The following UPF2 variants were observed in gnomAD, a reference collection of about 807,000 sequenced individuals.
UPF2 encodes UPF2 regulator of nonsense mediated mRNA decay, also known as regulator of nonsense transcripts 2.
UPF2 carries 17 observed loss-of-function variants against 141.4 expected under a neutral mutation model. The ratio of observed to expected loss-of-function variants is 0.12; its 90% CI spans 0.08 to 0.18. The LOEUF (loss-of-function observed/expected upper bound fraction) is 0.18, where lower values mean the gene tolerates loss of function less well. UPF2 is among the 10% of genes least tolerant of loss of function. UPF2 has a pLI of 1.00. For synonymous variants in UPF2, 540 were observed against 498.0 expected, an observed-to-expected ratio of 1.08 and a Z score of -1.12; for missense variants, 1,152 against 1,515.9, an observed-to-expected ratio of 0.76 and a Z score of 3.99.
At chr10:12,013,784 G>C (rs979227291) in intron 4 of UPF2, among the ~76,000 whole-genome samples, 1 of 151,874 alleles carries the variant, frequency 6.6e-6, no homozygotes, top group Non-Finnish European at 1.5e-5. Flanking sequence ...TTTTTTAATA[G>C]AGATGGGGTC....
chr10:11,998,779 G>A lies in UPF2; in HGVS notation c.1759-1022C>T, dbSNP rs1011720571. 2.0e-5 allele frequency among the ~76,000 whole-genome samples: 3 copies of A among 152,074 alleles called. No individual in the cohort carries two copies. The highest frequency in any genetic ancestry group is 1.9e-4 in the East Asian group (1 of 5,168). On this transcript the variant is annotated intron_variant, in intron 7 of 21. Transcript: ENST00000357604. This position sits in a 1 kb window ranked among gnomAD's most constrained non-coding sequence, Gnocchi z 4.5. ...TGAGGCAGGAGAATGGCGTGAACCC[G>A]GGAGGCGGAGCTTGCAGTGAGCCGA...
At chr10:11,964,996 CTG>C (rs1833296908) in intron 10 of UPF2, among the ~76,000 whole-genome samples, 4 of 152,126 alleles carry the variant, frequency 2.6e-5, no homozygotes, top group Admixed American at 1.3e-4. Context: ...AAAGTTGTGA[CTG>C]TGTTTTGACT....
At chr10:11,946,157 C>A (rs1832997399) in intron 16 of UPF2, among the ~76,000 whole-genome samples, 1 of 152,188 alleles carries the variant, frequency 6.6e-6, no homozygotes, top group Non-Finnish European at 1.5e-5. Flanking sequence ...GAAAACCATA[C>A]ATTATTGCCT....
At chr10:12,023,427 CA>C (rs1405949293) in intron 3 of UPF2, among the ~76,000 whole-genome samples, 1 of 149,972 alleles carries the variant, frequency 6.7e-6, no homozygotes, top group East Asian at 2.0e-4. Flanking sequence ...GTAATCCTAG[CA>C]CTTTGGGAGG....
intron 4 of UPF2, among the ~76,000 whole-genome samples, chr10:12,008,843 T>C (rs750834146): frequency 3.0e-4 from 46 of 152,092 alleles, no homozygotes; most frequent in Non-Finnish European, 6.3e-4. Flanking sequence ...TCCCTCCCCT[T>C]ACCCCCAACC....
At chr10:12,041,000 G>A (rs1324381558) in intron 1 of UPF2, among the ~76,000 whole-genome samples, 2 of 152,214 alleles carry the variant, frequency 1.3e-5, no homozygotes, top group East Asian at 1.9e-4. Context: ...TATATATACA[G>A]CTAGTTTCCG....
chr10:11,938,845 T>TC (rs1832888534), intron 18 of UPF2, among the ~76,000 whole-genome samples: 1 of 117,568 alleles, frequency 8.5e-6, no homozygotes, highest in Non-Finnish European at 1.6e-5. Context: ...TAAGCAAGTT[T>TC]TTTTTTTGTT....
intron 8 of UPF2, among the ~76,000 whole-genome samples, chr10:11,987,337 C>CA (rs1451713887): frequency 2.0e-5 from 3 of 151,594 alleles, no homozygotes; most frequent in South Asian, 2.1e-4. Context: ...AAGTTGAAGA[C>CA]AAAAAAAGAT....
intron 21 of UPF2, among the ~76,000 whole-genome samples, chr10:11,924,008 T>G (rs1832679947): frequency 6.6e-6 from 1 of 152,208 alleles, no homozygotes; most frequent in Non-Finnish European, 1.5e-5. Flanking sequence ...ATTAGTACCA[T>G]CTAAGCCATG....
At chr10:12,000,411 T>C (rs6602556) in intron 6 of UPF2, among the ~76,000 whole-genome samples, 58,453 of 152,098 alleles carry the variant, frequency 0.38, 13,621 homozygotes, top group Non-Finnish European at 0.51. Flanking sequence ...CTGGTTTACA[T>C]AGAGAAAGAA....
chr10:11,963,521 A>T (rs977861994), intron 11 of UPF2, among the ~76,000 whole-genome samples: 3 of 152,204 alleles, frequency 2.0e-5, no homozygotes, highest in African/African-American at 7.2e-5. Context: ...ATGTGTTTGT[A>T]GAGAGGAGGT....
Position 11,979,275 on chromosome 10 carries a change from A to C in UPF2, c.1845-110T>G. Reference sequence around the variant, plus strand: ...CACACATTAAATGATCTTAAAACTCATAATCATACAGACATGCCTATTTAT... The same window carrying C: ...CACACATTAAATGATCTTAAAACTCCTAATCATACAGACATGCCTATTTAT... On this transcript the variant is annotated intron_variant, in intron 8 of 21. Transcript: ENST00000357604. The surrounding 1 kb of genome is among the most constrained non-coding windows in gnomAD (Gnocchi z 6.2). The C allele has an allele frequency of 1.3e-5, 9 of 699,886 alleles. No individual in the cohort carries two copies. The highest frequency in any genetic ancestry group is 2.1e-5 in the Non-Finnish European group (9 of 431,642). 43.4% of individuals were successfully genotyped at this position (699,886 alleles called of 1,614,324 possible).
intron 4 of UPF2, 49 bp downstream of exon 4, chr10:12,013,975 G>A: frequency 7.0e-7 from 1 of 1,426,680 alleles, no homozygotes. Context: ...AAAGGTAAGT[G>A]ACAGTGCTTA....
intron 18 of UPF2, among the ~76,000 whole-genome samples, chr10:11,941,053 C>T (rs1826187367): frequency 6.6e-6 from 1 of 152,150 alleles, no homozygotes; most frequent in Admixed American, 6.5e-5. Context: ...GCATTCTGCT[C>T]TTAGCATTTA....
intron 4 of UPF2, among the ~76,000 whole-genome samples, chr10:12,006,157 G>C (rs1417224388): frequency 1.3e-5 from 2 of 152,202 alleles, no homozygotes; most frequent in Non-Finnish European, 2.9e-5. Flanking sequence ...TGGGATTACA[G>C]GCATGCGTGA....
At chr10:11,946,972 T>C (rs1833008571) in intron 16 of UPF2, among the ~76,000 whole-genome samples, 1 of 152,144 alleles carries the variant, frequency 6.6e-6, no homozygotes, top group African/African-American at 2.4e-5. Flanking sequence ...AAGGCCAAGG[T>C]GGGGGGATCA....
chr10:11,934,876 CTA>C (rs1376946158), intron 19 of UPF2, among the ~76,000 whole-genome samples: 1 of 152,216 alleles, frequency 6.6e-6, no homozygotes, highest in Non-Finnish European at 1.5e-5. Context: ...GTGTGAGCCA[CTA>C]TGCCCGGCCA....
chr10:11,990,653 C>CT, intron 8 of UPF2, among the ~76,000 whole-genome samples: 1 of 118,708 alleles, frequency 8.4e-6, no homozygotes, highest in East Asian at 2.5e-4. Flanking sequence ...GCACTCCAGC[C>CT]TGGGTGAAGA....
At chr10:12,035,604 A>T in intron 1 of UPF2, 163 bp from the exon 2 acceptor site, 1 of 726,128 alleles carries the variant, frequency 1.4e-6, no homozygotes, top group South Asian at 2.9e-5. Flanking sequence ...TAAGTTATTC[A>T]TCACATTCCA....
Sources: gnomAD v4.1 joint callset for allele counts (sites outside exome capture counted in the v4.1 genomes callset) on GRCh38, gnomAD v4.1.1 for gene constraint, Gnocchi (gnomAD v3.1) non-coding constraint, MANE v1.5 for transcripts, NCBI Gene and HGNC (gene_info 2026-07-23, HGNC 2026-07-21) for gene names.